The following ARIH1 variants were observed in gnomAD, a reference collection of about 807,000 sequenced individuals.
The protein encoded by ARIH1 is E3 ubiquitin-protein ligase ARIH1.
ARIH1 carries 8 observed loss-of-function variants against 85.0 expected under a neutral mutation model. The observed-to-expected ratio is 0.09, with a 90% CI of 0.06 to 0.17. The LOEUF (loss-of-function observed/expected upper bound fraction) is 0.17, where lower values mean the gene tolerates loss of function less well. ARIH1 is among the 10% of genes least tolerant of loss of function. ARIH1 has a pLI of 1.00. For missense variants in ARIH1, 311 were observed against 718.1 expected (o/e 0.43, Z 6.48); for synonymous variants, 238 against 253.6 (o/e 0.94, Z 0.59).
At position 72,586,709 on chromosome 15, in the gene ARIH1, C is replaced by T. The variant is rs1307949267; in HGVS notation, c.*3417C>T. ...GCAGGGAACTGTGAATGAGCCCATTCCCCCAACATTTAACTTGGTTAATGA... is the reference window on the plus strand; with the variant it reads ...GCAGGGAACTGTGAATGAGCCCATTTCCCCAACATTTAACTTGGTTAATGA... On this transcript the variant is annotated 3_prime_UTR_variant, in exon 14 of 14. Transcript: ENST00000379887. 1 of 153,276 alleles carries T rather than the reference C, an allele frequency of 6.5e-6. No individual in the cohort carries two copies. The highest frequency in any genetic ancestry group is 1.9e-4 in the East Asian group (1 of 5,202). 9.5% of individuals were successfully genotyped at this position (153,276 alleles called of 1,614,324 possible). A position where few individuals can be genotyped will look rare whatever the true frequency, so the allele number is the denominator to read the frequency against.
chr15:72,500,458 A>G (rs1044663232), intron 1 of ARIH1, among the ~76,000 whole-genome samples: 2 of 152,156 alleles, frequency 1.3e-5, no homozygotes, highest in Non-Finnish European at 1.5e-5. Context: ...TGAATCTTCT[A>G]ATCCATTGTG....
chr15:72,572,568 C>A (rs1000658116), intron 11 of ARIH1, among the ~76,000 whole-genome samples: 5 of 152,294 alleles, frequency 3.3e-5, no homozygotes, highest in Admixed American at 1.3e-4. Context: ...AAAGACATTC[C>A]AGTAAATATT....
intron 1 of ARIH1, among the ~76,000 whole-genome samples, chr15:72,498,477 G>A (rs2063889084): frequency 6.6e-6 from 1 of 152,194 alleles, no homozygotes; most frequent in Non-Finnish European, 1.5e-5. Context: ...AAAGAAGGCT[G>A]AGTGTTTTCA....
intron 1 of ARIH1, among the ~76,000 whole-genome samples, chr15:72,488,111 C>T (rs1399394294): frequency 6.6e-6 from 1 of 152,206 alleles, no homozygotes; most frequent in Non-Finnish European, 1.5e-5. Context: ...TCACGGCTCA[C>T]TACAGCCTTG....
chr15:72,486,972 G>T (rs539988931), intron 1 of ARIH1, among the ~76,000 whole-genome samples: 33 of 151,788 alleles, frequency 2.2e-4, no homozygotes, highest in Non-Finnish European at 2.9e-5. Flanking sequence ...TGAGATACAG[G>T]CATGAACCAC....
At chr15:72,575,421 T>C (rs1466546580) in intron 11 of ARIH1, among the ~76,000 whole-genome samples, 5 of 151,746 alleles carry the variant, frequency 3.3e-5, no homozygotes, top group African/African-American at 1.2e-4. Flanking sequence ...AAAAAATTTA[T>C]TAAAAATTAG....
rs149392408 is a variant in ARIH1 at position 72,567,685 on chromosome 15, G to A, written c.1026+508G>A. Among the ~76,000 whole-genome samples, 3 of 152,118 alleles carry A rather than the reference G, an allele frequency of 2.0e-5. No homozygotes were observed. In the East Asian group the frequency reaches 5.8e-4, roughly 29 times the overall value. ...TTAAATCTTGAGTACCCTTCTCCTCGATCACTAATCTAATGAGCAAGCATT... is the reference window on the plus strand; with the variant it reads ...TTAAATCTTGAGTACCCTTCTCCTCAATCACTAATCTAATGAGCAAGCATT... On this transcript the variant is annotated intron_variant, in intron 9 of 13. Transcript: ENST00000379887.
At position 72,474,769 on chromosome 15, in the gene ARIH1, G is replaced by C; in HGVS notation, c.130G>C (p.Glu44Gln). ...GGACGATGATACCCTGGATCTGGGC[G>C]AGGTGGAGCTGGTGGAGCCCGGGCT... is the stretch of plus-strand genomic sequence containing the variant. The part of the protein sequence containing the change: ...EPDDDTLDLG[E>Q]VELVEPGLGV... Residue 44 changes from glutamate (E) to glutamine (Q), a missense_variant, in exon 1 of 14, where the codon GAG (glutamate) becomes CAG (glutamine). Physicochemically the swap from Glu to Gln is conservative, Grantham distance 29. Around this residue, in one of 3 missense-constraint regions of ARIH1, gnomAD observed 157 missense variants for 185.1 expected, o/e 0.85. Transcript: ENST00000379887. 3.9e-6 allele frequency: 6 copies of C among 1,539,198 alleles called. No homozygotes were observed. Among genetic ancestry groups the C allele is most frequent in the Non-Finnish European group, 5.3e-6 (6 of 1,142,344 alleles).
chr15:72,531,415 G>A (rs1260263514), intron 2 of ARIH1, among the ~76,000 whole-genome samples: 4 of 152,016 alleles, frequency 2.6e-5, no homozygotes, highest in Non-Finnish European at 5.9e-5. Flanking sequence ...TTACAGGCAC[G>A]AGCCACTAGG....
intron 2 of ARIH1, among the ~76,000 whole-genome samples, chr15:72,524,429 G>C (rs1180181152): frequency 1.4e-5 from 2 of 147,646 alleles, no homozygotes; most frequent in African/African-American, 5.0e-5. Context: ...TGGCCAGGCT[G>C]GTCTGGAACT....
At position 72,474,578 on chromosome 15, in the gene ARIH1, C is replaced by T. The variant is rs2063785334; in HGVS notation, c.-62C>T. On this transcript the variant is annotated 5_prime_UTR_variant, in exon 1 of 14. Transcript: ENST00000379887. ...CCGGAGCCGGAGCGAGAGCCGGGGC[C>T]TCGGCGTCCCCGCCCTCTCCCCGCC... 2 of 1,476,340 alleles carry T rather than the reference C, an allele frequency of 1.4e-6. No homozygotes were observed. Among genetic ancestry groups the T allele is most frequent in the Middle Eastern group, 2.2e-4 (1 of 4,632 alleles). 91.5% of individuals were successfully genotyped at this position (1,476,340 alleles called of 1,614,324 possible). A position where few individuals can be genotyped will look rare whatever the true frequency, so the allele number is the denominator to read the frequency against.
intron 2 of ARIH1, among the ~76,000 whole-genome samples, chr15:72,527,721 T>C (rs1245473637): frequency 2.0e-5 from 3 of 152,206 alleles, no homozygotes; most frequent in Non-Finnish European, 4.4e-5. Context: ...CTGTCTTTTT[T>C]CCTAATTTTC....
chr15:72,563,537 A>G, intron 7 of ARIH1, 37 bp downstream of exon 7: 1 of 1,523,690 alleles, frequency 6.6e-7, no homozygotes, highest in Non-Finnish European at 9.1e-7. Flanking sequence ...ATAGTGCACA[A>G]AGCGTTTCCA....
chr15:72,486,694 C>CTTTTTTTTT (rs34770375), intron 1 of ARIH1, among the ~76,000 whole-genome samples: 2 of 92,874 alleles, frequency 2.2e-5, no homozygotes, highest in Non-Finnish European at 3.8e-5. Flanking sequence ...TTAAAAATGA[C>CTTTTTTTTT]TTTTTTTTTT....
Position 72,584,418 on chromosome 15 carries a change from ATT to A in ARIH1, c.*1128_*1129del, listed in dbSNP as rs1219466525. 1 of 152,146 alleles carries A rather than the reference ATT, an allele frequency of 6.6e-6. No homozygotes were observed. Among genetic ancestry groups the A allele is most frequent in the African/African-American group, 2.4e-5 (1 of 41,396 alleles). The allele number at this position is 152,146 out of a possible 1,614,324, so 9.4% of individuals were successfully genotyped here. ...TCGCATCCAGTGGAAGCATTTTAAA[ATT>A]TCTTTTACTTTTTGGTTTTCCCTTA... On this transcript the variant is annotated 3_prime_UTR_variant, in exon 14 of 14. Coordinates refer to ENST00000379887, the MANE Select transcript of ARIH1 (RefSeq NM_005744.5).
chr15:72,510,421 TATTA>T, intron 1 of ARIH1, among the ~76,000 whole-genome samples: 1 of 152,262 alleles, frequency 6.6e-6, no homozygotes, highest in East Asian at 1.9e-4. Flanking sequence ...TCTGATCCAT[TATTA>T]ATTTTGTATT....
In ARIH1 at chr15:72,503,766, C is replaced by T. The variant is rs150334846; in HGVS notation, c.376-14301C>T. Reference sequence around the variant, plus strand: ...TTGTGATGGAGGTGCCCCATTTACTCTGCTTGCAGCCCTCAACCCCTTGCA... The same window carrying T: ...TTGTGATGGAGGTGCCCCATTTACTTTGCTTGCAGCCCTCAACCCCTTGCA... On this transcript the variant is annotated intron_variant, in intron 1 of 13. Transcript: ENST00000379887. Among the ~76,000 whole-genome samples the T allele has an allele frequency of 1.3e-3, 196 of 152,352 alleles. 2 individuals carry two copies. In the East Asian group the frequency reaches 0.026, roughly 20 times the overall value.
chr15:72,502,951 C>T (rs1724961905), intron 1 of ARIH1, among the ~76,000 whole-genome samples: 1 of 152,146 alleles, frequency 6.6e-6, no homozygotes, highest in African/African-American at 2.4e-5. Flanking sequence ...CCTGTGGTAG[C>T]TTAGAAGTAA....
At chr15:72,482,858 A>T (rs1472843416) in intron 1 of ARIH1, among the ~76,000 whole-genome samples, 13 of 57,666 alleles carry the variant, frequency 2.3e-4, no homozygotes, top group African/African-American at 2.4e-4. Context: ...TTTTTTTTTT[A>T]AAGACAGAGG....
Sources: allele counts gnomAD v4.1 joint callset (sites outside exome capture counted in the v4.1 genomes callset), GRCh38; gene constraint gnomAD v4.1.1; regional missense constraint gnomAD v4.1.1; transcripts MANE v1.5; gene names NCBI Gene and HGNC (gene_info 2026-07-23, HGNC 2026-07-21).